The following SFXN5 variants were observed in gnomAD, a reference collection of about 807,000 sequenced individuals.
The protein encoded by SFXN5 is sideroflexin 5, also known as sideroflexin-5.
A neutral mutation model predicts 50.2 loss-of-function variants in SFXN5; 43 were observed. The observed-to-expected ratio is 0.86, with a 90% CI of 0.67 to 1.11. The LOEUF (loss-of-function observed/expected upper bound fraction) is 1.11. Ranked by LOEUF, SFXN5 falls within the 50% of genes least tolerant of loss-of-function variation. The probability of loss-of-function intolerance (pLI) is 0.00; values close to 1 mark genes in which losing one functional copy is unlikely to be tolerated. For synonymous variants in SFXN5, 203 were observed against 185.8 expected (o/e 1.09, Z -0.75); for missense variants, 463 against 454.1 (o/e 1.02, Z -0.18).
chr2:72,943,220 G>A lies in SFXN5; in HGVS notation c.*1802C>T, dbSNP rs545953486. Reference sequence around the variant, plus strand: ...GCAGAGCCAGCTGGTGGGCACCAGCGGCTGGCAGAGAGGCAACGGCCATGC... The same window carrying A: ...GCAGAGCCAGCTGGTGGGCACCAGCAGCTGGCAGAGAGGCAACGGCCATGC... On this transcript the variant is annotated 3_prime_UTR_variant, in exon 14 of 14. Coordinates refer to ENST00000272433, the MANE Select transcript of SFXN5 (RefSeq NM_144579.3). 13 of 152,356 alleles carry A rather than the reference G, an allele frequency of 8.5e-5. No homozygotes were observed. The East Asian group carries it at 1.9e-3, about 23-fold the overall frequency. The allele number at this position is 152,356 out of a possible 1,614,324, so 9.4% of individuals were successfully genotyped here.
At chr2:73,058,935 A>G in intron 1 of SFXN5, 1 of 456,212 alleles carries the variant, frequency 2.2e-6, no homozygotes, top group South Asian at 5.6e-5. Context: ...GCTGAAGGTG[A>G]GGCCTGGTCC....
At chr2:73,009,492 A>C (rs1675211861) in intron 6 of SFXN5, among the ~76,000 whole-genome samples, 1 of 152,202 alleles carries the variant, frequency 6.6e-6, no homozygotes, top group Non-Finnish European at 1.5e-5. Flanking sequence ...GACTGTTCTG[A>C]ACCTCAGGAT....
At chr2:73,028,289 G>A (rs1022560368) in intron 3 of SFXN5, among the ~76,000 whole-genome samples, 2 of 152,242 alleles carry the variant, frequency 1.3e-5, no homozygotes, top group African/African-American at 2.4e-5. Flanking sequence ...ATGGGAGAAT[G>A]GAGCACATGC....
At position 73,023,184 on chromosome 2, in the gene SFXN5, T is replaced by C. The variant is rs747348145; in HGVS notation, c.276+4A>G. 5.0e-6 allele frequency: 8 copies of C among 1,602,738 alleles called. No individual in the cohort carries two copies. The highest frequency in any genetic ancestry group is 3.4e-6 in the Non-Finnish European group (4 of 1,173,948). ...AGGAAATAGAGAATCCAAAACTGGA[T>C]TACCTGCTTGATTTTCTGTGCACTC... On this transcript the variant is annotated splice_donor_region_variant and intron_variant, in intron 4 of 13. Transcript: ENST00000272433.
At position 72,990,885 on chromosome 2, in the gene SFXN5, G is replaced by T. The variant is rs546747669; in HGVS notation, c.535-2537C>A. Among the ~76,000 whole-genome samples, 123 of 152,274 alleles carry T rather than the reference G, an allele frequency of 8.1e-4. 4 individuals carry two copies. In the South Asian group the frequency reaches 0.024, roughly 30 times the overall value. ...CTGACAATGGCCACCTTGGGGCTGG[G>T]GTCCTAACGAGTGGAAAACAGAAGG... On this transcript the variant is annotated intron_variant, in intron 9 of 13. Coordinates refer to ENST00000272433, the MANE Select transcript of SFXN5 (RefSeq NM_144579.3).
At chr2:73,041,546 TG>T in intron 2 of SFXN5, 1 of 316,750 alleles carries the variant, frequency 3.2e-6, no homozygotes, top group Non-Finnish European at 6.5e-6. Context: ...AAACATTAGC[TG>T]GGCATGGTGG....
At chr2:73,060,284 C>T (rs866299161) in intron 1 of SFXN5, among the ~76,000 whole-genome samples, 3 of 152,118 alleles carry the variant, frequency 2.0e-5, no homozygotes, top group Non-Finnish European at 2.9e-5. Flanking sequence ...AAAGGATCAA[C>T]GAAGGGCAGG....
At chr2:72,986,184 A>G (rs1056555664) in intron 10 of SFXN5, among the ~76,000 whole-genome samples, 2 of 152,226 alleles carry the variant, frequency 1.3e-5, no homozygotes, top group African/African-American at 2.4e-5. Flanking sequence ...AAGTTCATTA[A>G]AAGTGTGGAG....
chr2:73,057,273 G>A (rs940104703), intron 2 of SFXN5, among the ~76,000 whole-genome samples: 2 of 152,020 alleles, frequency 1.3e-5, no homozygotes, highest in African/African-American at 2.4e-5. Context: ...CGAGTAGCTG[G>A]GACTACAAGC....
rs897999413 is a variant in SFXN5, at chr2:72,964,058, C to T, written c.828-2810G>A. On this transcript the variant is annotated intron_variant, in intron 12 of 13. Transcript: ENST00000272433. ...AAGGCCAACTGAGCATGCTGAGCTC[C>T]CACCTTTCTCTTCCCAGTAGGAAGC... Among the ~76,000 whole-genome samples the T allele has an allele frequency of 5.9e-5, 9 of 152,290 alleles. 1 individual carries two copies. The highest frequency in any genetic ancestry group is 6.8e-3 in the Middle Eastern group (2 of 294).
chr2:72,966,589 G>A (rs766805751), intron 12 of SFXN5, among the ~76,000 whole-genome samples: 1 of 152,280 alleles, frequency 6.6e-6, no homozygotes, highest in African/African-American at 2.4e-5. Flanking sequence ...CCCTCTTCTA[G>A]GGTGAGAGAG....
intron 1 of SFXN5, among the ~76,000 whole-genome samples, chr2:73,063,757 C>G (rs1200079439): frequency 6.6e-6 from 1 of 152,204 alleles, no homozygotes; most frequent in East Asian, 1.9e-4. Flanking sequence ...TTGTTCGATA[C>G]TTTATAGATC....
rs984180164 is a variant in SFXN5, at chr2:72,950,892, G to A, written c.946-5793C>T. Among the ~76,000 whole-genome samples, 6 of 152,356 alleles carry A rather than the reference G, an allele frequency of 3.9e-5. No individual in the cohort carries two copies. Among genetic ancestry groups the A allele is most frequent in the African/African-American group, 1.4e-4 (6 of 41,584 alleles). ...CCTTCTCCGGGGATAAGGGGATGAGGAGAGAGGACAAGGAGTGGCCATAGG... is the reference window on the plus strand; with the variant it reads ...CCTTCTCCGGGGATAAGGGGATGAGAAGAGAGGACAAGGAGTGGCCATAGG... On this transcript the variant is annotated intron_variant, in intron 13 of 13. Coordinates refer to ENST00000272433, the MANE Select transcript of SFXN5 (RefSeq NM_144579.3). This position sits in a 1 kb window ranked among gnomAD's most constrained non-coding sequence, Gnocchi z 4.2.
At chr2:73,037,075 C>T (rs1679082243) in intron 3 of SFXN5, among the ~76,000 whole-genome samples, 1 of 152,276 alleles carries the variant, frequency 6.6e-6, no homozygotes, top group African/African-American at 2.4e-5. Flanking sequence ...CATCACCATG[C>T]TCCAGTCTAG....
intron 2 of SFXN5, among the ~76,000 whole-genome samples, chr2:73,057,760 C>T (rs191068434): frequency 1.6e-4 from 24 of 152,202 alleles, no homozygotes; most frequent in African/African-American, 5.5e-4. Flanking sequence ...GGATGGTTCC[C>T]CCATGCTGTT....
chr2:72,948,802 G>C (rs1482190232), intron 13 of SFXN5, among the ~76,000 whole-genome samples: 4 of 152,208 alleles, frequency 2.6e-5, no homozygotes, highest in Non-Finnish European at 5.9e-5. Context: ...GGACAGAGCT[G>C]ACATCCTAGG....
Position 72,998,932 on chromosome 2 carries a change from G to T in SFXN5, c.534+17C>A. 2 of 1,613,500 alleles carry T rather than the reference G, an allele frequency of 1.2e-6. No individual in the cohort carries two copies. The highest frequency in any genetic ancestry group is 1.7e-6 in the Non-Finnish European group (2 of 1,179,632). On this transcript the variant is annotated intron_variant, in intron 9 of 13. Coordinates refer to ENST00000272433, the MANE Select transcript of SFXN5 (RefSeq NM_144579.3). ...AGAGCAGCAGAGCCAAGAAGGAGCA[G>T]GGGAGGGAGTACTCACAGCAATGGA...
At chr2:73,053,261 G>A (rs1681634594) in intron 2 of SFXN5, 1 of 154,022 alleles carries the variant, frequency 6.5e-6, no homozygotes, top group Non-Finnish European at 1.5e-5. Flanking sequence ...CAACTTCCCA[G>A]GAATTATGGT....
At position 72,971,528 on chromosome 2, in the gene SFXN5, CCT is replaced by C. The variant is rs561403444; in HGVS notation, c.741+40_741+41del. 303 of 1,446,550 alleles carry C rather than the reference CCT, an allele frequency of 2.1e-4. 4 individuals carry two copies. The South Asian group carries it at 2.7e-3, about 13-fold the overall frequency. The allele number at this position is 1,446,550 out of a possible 1,614,324, so 89.6% of individuals were successfully genotyped here. ...CGCTAAAGGAAAACCACTCCCCTCC[CCT>C]GTTGCTGGCCTCCCCAACCCTGCGA... On this transcript the variant is annotated intron_variant, in intron 11 of 13. Transcript: ENST00000272433.
Sources: allele counts gnomAD v4.1 joint callset (sites outside exome capture counted in the v4.1 genomes callset), GRCh38; gene constraint gnomAD v4.1.1; non-coding constraint Gnocchi (gnomAD v3.1); transcripts MANE v1.5; gene names NCBI Gene and HGNC (gene_info 2026-07-23, HGNC 2026-07-21).